Variants in HHLA1 observed in about 807,000 individuals in gnomAD.
HHLA1 encodes the protein HERV-H LTR-associating protein 1.
In HHLA1, 72 loss-of-function variants were observed where a neutral mutation model predicts 69.9. The observed-to-expected ratio is 1.03, with a 90% CI of 0.85 to 1.25. The LOEUF is 1.25. Among genes scored for constraint, HHLA1 ranks in the 50% most tolerant of loss-of-function variants. The pLI, the probability that HHLA1 is intolerant of heterozygous loss-of-function variation, is 0.00. For missense variants in HHLA1, 685 were observed against 642.2 expected (o/e 1.07, Z -0.72); for synonymous variants, 252 against 233.2 (o/e 1.08, Z -0.73).
At chr8:132,084,880 G>T (rs984365574) in intron 10 of HHLA1, among the ~76,000 whole-genome samples, 2 of 151,952 alleles carry the variant, frequency 1.3e-5, no homozygotes, top group Non-Finnish European at 2.9e-5. Flanking sequence ...CGATTGGGGG[G>T]TTCTTGCCGC....
intron 3 of HHLA1, among the ~76,000 whole-genome samples, chr8:132,103,360 G>A (rs1012016467): frequency 7.9e-5 from 12 of 152,208 alleles, no homozygotes; most frequent in Non-Finnish European, 1.5e-4. Flanking sequence ...GCTCATGCCT[G>A]TAATCCTAGC....
Position 132,063,975 on chromosome 8 carries a change from C to T in HHLA1, c.*20G>A. 1 of 1,286,526 alleles carries T rather than the reference C, an allele frequency of 7.8e-7. No individual in the cohort carries two copies. The highest frequency in any genetic ancestry group is 1.0e-6 in the Non-Finnish European group (1 of 974,320). The allele number at this position is 1,286,526 out of a possible 1,614,324, so 79.7% of individuals were successfully genotyped here. ...TATCCCCTGAAGTAATTGTTATGCC[C>T]TAGTGTTATTTTCAAGGCCTCACAC... On this transcript the variant is annotated 3_prime_UTR_variant, in exon 17 of 17. Transcript: ENST00000414222.
intron 10 of HHLA1, among the ~76,000 whole-genome samples, chr8:132,086,697 T>C (rs1163401665): frequency 6.6e-6 from 1 of 152,196 alleles, no homozygotes; most frequent in Non-Finnish European, 1.5e-5. Flanking sequence ...CCCTAAGATC[T>C]GTCCTGAGAA....
intron 3 of HHLA1, among the ~76,000 whole-genome samples, chr8:132,103,116 ATTG>A (rs1469582460): frequency 2.0e-5 from 3 of 152,166 alleles, no homozygotes; most frequent in African/African-American, 7.2e-5. Flanking sequence ...TGGGGCAGGA[ATTG>A]TTGTTCCCAT....
chr8:132,088,712 A>G (rs911291396), intron 8 of HHLA1, among the ~76,000 whole-genome samples: 2 of 152,242 alleles, frequency 1.3e-5, no homozygotes, highest in Admixed American at 1.3e-4. Context: ...ACATAAGAGC[A>G]CAGGCTAAGA....
chr8:132,069,810 G>A (rs1823500061), intron 15 of HHLA1: 1 of 151,938 alleles, frequency 6.6e-6, no homozygotes. Flanking sequence ...CCCATGGCTT[G>A]GGACAGAGCA....
At chr8:132,074,658 T>C (rs759246194) in intron 14 of HHLA1, among the ~76,000 whole-genome samples, 1 of 152,134 alleles carries the variant, frequency 6.6e-6, no homozygotes, top group Non-Finnish European at 1.5e-5. Flanking sequence ...CCCCTTTAAT[T>C]TGCAATTATG....
intron 15 of HHLA1, chr8:132,070,011 C>CGGCGGGGGGGGG (rs1823503873): frequency 4.1e-5 from 1 of 24,160 alleles, no homozygotes; most frequent in Non-Finnish European, 1.3e-4. Flanking sequence ...TTCGTACTGA[C>CGGCGGGGGGGGG]GGGGGGGGGG....
chr8:132,071,493 C>T lies in HHLA1; in HGVS notation c.1316G>A (p.Arg439Lys), dbSNP rs568204591. 6.4e-7 allele frequency: 1 copy of T among 1,550,956 alleles called. No individual in the cohort carries two copies. The highest frequency in any genetic ancestry group is 1.4e-5 in the African/African-American group (1 of 72,988). The change falls in exon 15 of 17, where the codon AGG (arginine) becomes AAG (lysine). Residue 439 changes from arginine (R) to lysine (K), a missense_variant and splice_region_variant. Arg to Lys is a conservative substitution (Grantham distance 26, BLOSUM62 2). Coordinates refer to ENST00000414222, the MANE Select transcript of HHLA1 (RefSeq NM_001145095.3). ...CACCTTGAAGAGTGGCTGAGGACACCCTAGAAGATGCAATCCCAGACCAAT... is the reference window on the plus strand; with the variant it reads ...CACCTTGAAGAGTGGCTGAGGACACTCTAGAAGATGCAATCCCAGACCAAT... ...VLVPRPHQVS[R>K]CPQPLFKVGA...
In HHLA1 at chr8:132,076,405, C is replaced by A. The variant is rs1028479408; in HGVS notation, c.1240+70G>T. 1.5e-5 allele frequency: 16 copies of A among 1,076,072 alleles called. 1 individual carries two copies. The Admixed American group carries it at 2.4e-4, about 16-fold the overall frequency. 66.7% of individuals were successfully genotyped at this position (1,076,072 alleles called of 1,614,324 possible). A position where few individuals can be genotyped will look rare whatever the true frequency, so the allele number is the denominator to read the frequency against. On this transcript the variant is annotated intron_variant, in intron 13 of 16. Coordinates refer to ENST00000414222, the MANE Select transcript of HHLA1 (RefSeq NM_001145095.3). ...TACTGGTACCCCATCCCACCACGCC[C>A]TTGTCCCCAAGCTTCCCACCCCTCC...
intron 10 of HHLA1, among the ~76,000 whole-genome samples, chr8:132,084,834 G>A (rs569651114): frequency 1.1e-4 from 17 of 151,816 alleles, no homozygotes; most frequent in Admixed American, 3.9e-4. Flanking sequence ...TAAGGGATTG[G>A]GGCACAGAGA....
intron 14 of HHLA1, among the ~76,000 whole-genome samples, chr8:132,072,098 G>A (rs148233377): frequency 3.1e-4 from 47 of 152,272 alleles, no homozygotes; most frequent in African/African-American, 1.0e-3. Context: ...CAGGCTCTGC[G>A]TTTGTGAGTT....
chr8:132,081,415 C>T lies in HHLA1; in HGVS notation c.677-1449G>A, dbSNP rs548443007. Among the ~76,000 whole-genome samples, 180 of 152,218 alleles carry T rather than the reference C, an allele frequency of 1.2e-3. 2 individuals carry two copies. The East Asian group carries it at 0.032, about 27-fold the overall frequency. The stretch of plus-strand genomic sequence containing the variant: ...TGTCCAGTCCTTTTTAAGTTGGTGG[C>T]TGAGCTTGGTGAGGTGTGTTTTTAA... On this transcript the variant is annotated intron_variant, in intron 10 of 16. Coordinates refer to ENST00000414222, the MANE Select transcript of HHLA1 (RefSeq NM_001145095.3).
At chr8:132,084,460 A>G (rs903478030) in intron 10 of HHLA1, among the ~76,000 whole-genome samples, 14 of 152,086 alleles carry the variant, frequency 9.2e-5, no homozygotes, top group Admixed American at 3.9e-4. Context: ...TGTGTAAAAG[A>G]ATGCCTGGAC....
intron 12 of HHLA1, among the ~76,000 whole-genome samples, chr8:132,076,990 T>TTTGTATCA (rs1823657067): frequency 1.3e-5 from 2 of 152,120 alleles, no homozygotes; most frequent in African/African-American, 4.8e-5. Context: ...TTCAACAATT[T>TTTGTATCA]TTGTATCATG....
Position 132,063,211 on chromosome 8 carries a change from C to T in HHLA1, c.*784G>A, listed in dbSNP as rs1292578649. 6.6e-6 allele frequency: 1 copy of T among 152,228 alleles called. No homozygotes were observed. The highest frequency in any genetic ancestry group is 1.5e-5 in the Non-Finnish European group (1 of 68,046). The allele number at this position is 152,228 out of a possible 1,614,324, so 9.4% of individuals were successfully genotyped here. ...TTGGACTCTCTCTAGAGGTGCCTTT[C>T]ACATTTGCTGCTTTTCATCTGCATC... On this transcript the variant is annotated 3_prime_UTR_variant, in exon 17 of 17. Coordinates refer to ENST00000414222, the MANE Select transcript of HHLA1 (RefSeq NM_001145095.3).
intron 10 of HHLA1, chr8:132,085,452 C>T (rs1270359537): frequency 2.5e-6 from 1 of 394,502 alleles, no homozygotes; most frequent in African/African-American, 2.2e-5. Context: ...TGTCTGAGGA[C>T]CTGAGGTCGT....
chr8:132,082,776 C>T lies in HHLA1; in HGVS notation c.677-2810G>A, dbSNP rs59957701. Among the ~76,000 whole-genome samples, 839 of 151,864 alleles carry T rather than the reference C, an allele frequency of 5.5e-3. 6 individuals are homozygous for T. Among genetic ancestry groups the T allele is most frequent in the African/African-American group, 0.019 (804 of 41,322 alleles). ...AAGGTATTGAGGACAAAAGAGGGTACGGGTTGGGCACCACAGGGTGGACAG... is the reference window on the plus strand; with the variant it reads ...AAGGTATTGAGGACAAAAGAGGGTATGGGTTGGGCACCACAGGGTGGACAG... On this transcript the variant is annotated intron_variant, in intron 10 of 16. Transcript: ENST00000414222.
intron 4 of HHLA1, among the ~76,000 whole-genome samples, chr8:132,099,199 T>A (rs1406090685): frequency 2.6e-5 from 4 of 152,160 alleles, no homozygotes; most frequent in African/African-American, 9.7e-5. Context: ...ACAGGAAACA[T>A]GAACTTTTAG....
Sources: gnomAD v4.1 joint callset for allele counts (sites outside exome capture counted in the v4.1 genomes callset) on GRCh38, gnomAD v4.1.1 for gene constraint, MANE v1.5 for transcripts, NCBI Gene and HGNC (gene_info 2026-07-23, HGNC 2026-07-21) for gene names.